The following NYAP2 variants were observed in gnomAD, a reference collection of about 807,000 sequenced individuals.
NYAP2 encodes the protein neuronal tyrosine-phosphorylated phosphoinositide-3-kinase adapter 2.
NYAP2 carries 23 observed loss-of-function variants against 50.4 expected under a neutral mutation model. That is an observed-to-expected ratio of 0.46 (90% CI 0.33 to 0.65). NYAP2 has a LOEUF of 0.65. NYAP2 is among the 30% of genes least tolerant of loss of function. The pLI is 0.02. For missense variants in NYAP2, 885 were observed against 861.0 expected (o/e 1.03, Z -0.35); for synonymous variants, 394 against 365.2 (o/e 1.08, Z -0.90).
the NYAP2 span, among the ~76,000 whole-genome samples, chr2:225,666,311 A>C: frequency 6.6e-6 from 1 of 152,148 alleles, no homozygotes; most frequent in Non-Finnish European, 1.5e-5. Flanking sequence ...ACTTGTTGAC[A>C]AAAAGAGTCA....
At chr2:225,618,007 G>A (rs1693018625) in intron 5 of NYAP2, among the ~76,000 whole-genome samples, 1 of 152,312 alleles carries the variant, frequency 6.6e-6, no homozygotes, top group South Asian at 2.1e-4. Context: ...GGGGCAACAA[G>A]ATATATAAAC....
chr2:225,684,191 G>A, the NYAP2 span, among the ~76,000 whole-genome samples: 1 of 152,152 alleles, frequency 6.6e-6, no homozygotes, highest in African/African-American at 2.4e-5. Flanking sequence ...ATGGAAATCA[G>A]TACTTCCTCA....
the NYAP2 span, among the ~76,000 whole-genome samples, chr2:225,687,605 A>C: frequency 1.3e-5 from 2 of 152,182 alleles, no homozygotes; most frequent in African/African-American, 4.8e-5. Context: ...TAACTAAGAG[A>C]CCTTAAAATG....
At chr2:225,664,874 A>G in the NYAP2 span, among the ~76,000 whole-genome samples, 30,369 of 152,028 alleles carry the variant, frequency 0.2, 3,411 homozygotes, top group African/African-American at 0.3. Context: ...GTCCATCTCA[A>G]AAACAAACAA....
intron 3 of NYAP2, among the ~76,000 whole-genome samples, chr2:225,439,099 T>C (rs185442361): frequency 5.9e-5 from 9 of 152,236 alleles, no homozygotes; most frequent in Admixed American, 4.6e-4. Flanking sequence ...TTGGGGACTG[T>C]GGAGGATCCA....
intron 5 of NYAP2, among the ~76,000 whole-genome samples, chr2:225,604,325 C>T (rs1166291169): frequency 1.3e-5 from 2 of 152,090 alleles, no homozygotes; most frequent in African/African-American, 4.8e-5. Flanking sequence ...TTAATGTGAA[C>T]GCCTGGAAAA....
At chr2:225,675,253 A>G in the NYAP2 span, among the ~76,000 whole-genome samples, 3 of 152,104 alleles carry the variant, frequency 2.0e-5, no homozygotes, top group Non-Finnish European at 2.9e-5. Flanking sequence ...GGCAGTAAGC[A>G]TAGTACCCAA....
intron 3 of NYAP2, among the ~76,000 whole-genome samples, chr2:225,420,490 C>A (rs1695196909): frequency 6.6e-6 from 1 of 152,116 alleles, no homozygotes; most frequent in Non-Finnish European, 1.5e-5. Flanking sequence ...AGGGTAAATG[C>A]TACTGACAGG....
chr2:225,525,267 T>C (rs1259888277), intron 4 of NYAP2, among the ~76,000 whole-genome samples: 2 of 152,188 alleles, frequency 1.3e-5, no homozygotes, highest in Admixed American at 6.6e-5. Context: ...TTTCATCAAA[T>C]GTTTTCTTTT....
chr2:225,523,424 T>C (rs1035389882), intron 4 of NYAP2, among the ~76,000 whole-genome samples: 2 of 151,842 alleles, frequency 1.3e-5, no homozygotes, highest in Non-Finnish European at 2.9e-5. Flanking sequence ...AAATTTTATA[T>C]GTATATATAT....
intron 5 of NYAP2, among the ~76,000 whole-genome samples, chr2:225,610,976 A>G (rs999874475): frequency 2.6e-5 from 4 of 152,210 alleles, no homozygotes; most frequent in Admixed American, 2.0e-4. Context: ...GTTGTAGAAT[A>G]TTTATGCCAC....
rs988444613 is a variant in NYAP2, at chr2:225,433,356, T to A, written c.221+24255T>A. On this transcript the variant is annotated intron_variant, in intron 3 of 6. Coordinates refer to ENST00000636099, the Ensembl canonical transcript of NYAP2. Reference sequence around the variant, plus strand: ...GTGCAAAGTAGTGAGACCCTATCTGTTTAAAAAAAAAAAAAGCAATTTGTT... The same window carrying A: ...GTGCAAAGTAGTGAGACCCTATCTGATTAAAAAAAAAAAAAGCAATTTGTT... 7.8e-4 allele frequency among the ~76,000 whole-genome samples: 55 copies of A among 70,678 alleles called. 1 individual carries two copies. The highest frequency in any genetic ancestry group is 2.2e-3 in the African/African-American group (54 of 24,186). The allele number at this position is 70,678 out of a possible 152,430, so 46.4% of individuals were successfully genotyped here.
chr2:225,443,552 G>T (rs1403918431), intron 3 of NYAP2, among the ~76,000 whole-genome samples: 1 of 152,026 alleles, frequency 6.6e-6, no homozygotes, highest in Non-Finnish European at 1.5e-5. Flanking sequence ...CAAAATGATG[G>T]TACTGGTATG....
At chr2:225,487,977 G>T (rs1340090070) in intron 3 of NYAP2, among the ~76,000 whole-genome samples, 1 of 152,160 alleles carries the variant, frequency 6.6e-6, no homozygotes, top group Non-Finnish European at 1.5e-5. Flanking sequence ...AAAGTGCTTG[G>T]TGTAAGAGGA....
intron 6 of NYAP2, among the ~76,000 whole-genome samples, chr2:225,635,497 C>T (rs984950988): frequency 6.6e-6 from 1 of 151,784 alleles, no homozygotes; most frequent in Non-Finnish European, 1.5e-5. Flanking sequence ...ACGTTTATTC[C>T]GTTCCCATTC....
At chr2:225,494,582 A>G (rs1395736530) in intron 3 of NYAP2, among the ~76,000 whole-genome samples, 1 of 152,194 alleles carries the variant, frequency 6.6e-6, no homozygotes, top group Non-Finnish European at 1.5e-5. Flanking sequence ...TTCCTCCCAG[A>G]AAATTAGGTC....
intron 3 of NYAP2, among the ~76,000 whole-genome samples, chr2:225,482,364 T>C (rs1690220829): frequency 6.6e-6 from 1 of 152,080 alleles, no homozygotes; most frequent in African/African-American, 2.4e-5. Context: ...CCTGTTAGAG[T>C]AGTGTACAGT....
At chr2:225,480,259 T>C (rs1330866276) in intron 3 of NYAP2, among the ~76,000 whole-genome samples, 1 of 152,042 alleles carries the variant, frequency 6.6e-6, no homozygotes, top group African/African-American at 2.4e-5. Context: ...GTGGGTGTGG[T>C]AAAATTCTAG....
intron 3 of NYAP2, among the ~76,000 whole-genome samples, chr2:225,422,163 A>C (rs1356289073): frequency 6.6e-6 from 1 of 152,236 alleles, no homozygotes; most frequent in Non-Finnish European, 1.5e-5. Flanking sequence ...GGAGAGGAAC[A>C]CATTTTCAAA....
Sources: gnomAD v4.1 joint callset for allele counts (sites outside exome capture counted in the v4.1 genomes callset) on GRCh38, gnomAD v4.1.1 for gene constraint, MANE v1.5 for transcripts, NCBI Gene and HGNC (gene_info 2026-07-23, HGNC 2026-07-21) for gene names.